Variants in AGAP1 observed in about 807,000 individuals in gnomAD.
AGAP1 encodes arf-GAP with GTPase, ANK repeat and PH domain-containing protein 1.
Under a neutral mutation model 105.3 loss-of-function variants are expected in AGAP1, and 29 were observed. That is an observed-to-expected ratio of 0.28 (90% CI 0.21 to 0.38). The LOEUF is 0.38. Ranked by LOEUF, AGAP1 falls within the 10% of genes least tolerant of loss-of-function variation. The pLI is 1.00. For missense variants in AGAP1, 998 were observed against 1,165.1 expected (o/e 0.86, Z 2.09); for synonymous variants, 509 against 485.9 (o/e 1.05, Z -0.63).
intron 5 of AGAP1, among the ~76,000 whole-genome samples, chr2:235,745,341 G>A (rs1952844651): frequency 6.6e-6 from 1 of 152,016 alleles, no homozygotes; most frequent in Non-Finnish European, 1.5e-5. Flanking sequence ...TAATCTGACA[G>A]GCCCCTCAGA....
chr2:236,081,839 G>GA (rs1183142240), intron 16 of AGAP1, among the ~76,000 whole-genome samples: 2 of 152,080 alleles, frequency 1.3e-5, no homozygotes, highest in Non-Finnish European at 2.9e-5. Flanking sequence ...GGTCTAAATA[G>GA]AACATTTTTC....
chr2:235,917,258 C>A (rs1400807841), intron 11 of AGAP1, among the ~76,000 whole-genome samples: 1 of 151,864 alleles, frequency 6.6e-6, no homozygotes, highest in Non-Finnish European at 1.5e-5. Flanking sequence ...GTGGGGGAGG[C>A]GGGGACAGCA....
intron 6 of AGAP1, among the ~76,000 whole-genome samples, chr2:235,755,177 G>C (rs113194632): frequency 1.3e-5 from 2 of 152,176 alleles, no homozygotes; most frequent in Non-Finnish European, 2.9e-5. Context: ...CAGGGCTCTC[G>C]TTCCTAGATT....
At chr2:235,834,182 G>A (rs1959831322) in intron 9 of AGAP1, among the ~76,000 whole-genome samples, 1 of 152,146 alleles carries the variant, frequency 6.6e-6, no homozygotes, top group Non-Finnish European at 1.5e-5. Flanking sequence ...CCCATGTGGT[G>A]CCTTGTGGGA....
chr2:235,976,934 C>A lies in AGAP1; in HGVS notation c.1645+8311C>A, dbSNP rs995933977. 6.6e-6 allele frequency among the ~76,000 whole-genome samples: 1 copy of A among 152,198 alleles called. No homozygotes were observed. The highest frequency in any genetic ancestry group is 1.5e-5 in the Non-Finnish European group (1 of 68,038). On this transcript the variant is annotated intron_variant, in intron 13 of 17. Transcript: ENST00000304032. The surrounding 1 kb of genome is among the most constrained non-coding windows in gnomAD (Gnocchi z 4.5). ...CTGGGGGTACCTAGGCAACTCCTGA[C>A]GCCACAGACAAGCATTTGAGCTCCT... is the stretch of plus-strand genomic sequence containing the variant.
chr2:235,686,650 TATATATA>T (rs1559350984), intron 1 of AGAP1, among the ~76,000 whole-genome samples: 53 of 45,916 alleles, frequency 1.2e-3, no homozygotes, highest in African/African-American at 6.3e-3. Flanking sequence ...TATATAGATA[TATATATA>T]TATATATATT....
chr2:235,611,108 C>G lies in AGAP1; in HGVS notation c.164-98071C>G, dbSNP rs756088301. ...CTAGTGTGTTGACCTTCCACTGCCC[C>G]GAGGGGAGGACTCTGCCCTACTGGA... On this transcript the variant is annotated intron_variant, in intron 1 of 17. Transcript: ENST00000304032. This position sits in a 1 kb window ranked among gnomAD's most constrained non-coding sequence, Gnocchi z 5.0. Among the ~76,000 whole-genome samples, 3 of 151,598 alleles carry G rather than the reference C, an allele frequency of 2.0e-5. No homozygotes were observed. The highest frequency in any genetic ancestry group is 2.9e-5 in the Non-Finnish European group (2 of 68,042).
intron 1 of AGAP1, among the ~76,000 whole-genome samples, chr2:235,645,922 A>G (rs1278858402): frequency 6.6e-6 from 1 of 152,174 alleles, no homozygotes; most frequent in Non-Finnish European, 1.5e-5. Flanking sequence ...CTCCATTGCT[A>G]CAATTTCCCC....
chr2:235,750,334 T>G lies in AGAP1; in HGVS notation c.539-20T>G. On this transcript the variant is annotated intron_variant, in intron 5 of 17. Coordinates refer to ENST00000304032, the MANE Select transcript of AGAP1 (RefSeq NM_001037131.3). The surrounding 1 kb of genome is among the most constrained non-coding windows in gnomAD (Gnocchi z 5.3). ...GCTGTCATTGTCACTGTGCCGTTAC[T>G]TTTTGGTCTTCTGTTCCAGATGCCA... 12 of 1,613,772 alleles carry G rather than the reference T, an allele frequency of 7.4e-6. No homozygotes were observed. Among genetic ancestry groups the G allele is most frequent in the Non-Finnish European group, 1.0e-5 (12 of 1,179,736 alleles).
rs768493353 is a variant in AGAP1 at position 235,623,131 on chromosome 2, A to G, written c.164-86048A>G. On this transcript the variant is annotated intron_variant, in intron 1 of 17. Transcript: ENST00000304032. This position sits in a 1 kb window ranked among gnomAD's most constrained non-coding sequence, Gnocchi z 4.5. ...ATTGCCTGATGTTCTCCAGGCTGCT[A>G]CAGCTATGATATTTTAAAATCAATG... Among the ~76,000 whole-genome samples the G allele has an allele frequency of 2.0e-5, 3 of 152,220 alleles. No individual in the cohort carries two copies. The highest frequency in any genetic ancestry group is 4.4e-5 in the Non-Finnish European group (3 of 68,042).
rs1456463198 is a variant in AGAP1, at chr2:235,879,460, C to A, written c.1051-3885C>A. ...GTATTCTGTAGTCCTGCCACTTACG[C>A]AGCATTTGAATAGTGCCTATAATCC... On this transcript the variant is annotated intron_variant, in intron 9 of 17. Transcript: ENST00000304032. This position sits in a 1 kb window ranked among gnomAD's most constrained non-coding sequence, Gnocchi z 5.0. Among the ~76,000 whole-genome samples, 1 of 152,216 alleles carries A rather than the reference C, an allele frequency of 6.6e-6. No individual in the cohort carries two copies. Among genetic ancestry groups the A allele is most frequent in the Non-Finnish European group, 1.5e-5 (1 of 68,036 alleles).
intron 11 of AGAP1, among the ~76,000 whole-genome samples, chr2:235,918,699 C>G (rs765086987): frequency 6.6e-6 from 1 of 151,768 alleles, no homozygotes. Context: ...GGTATATATT[C>G]CTGCATGTTA....
chr2:235,946,947 C>G (rs1045791995), intron 12 of AGAP1, among the ~76,000 whole-genome samples: 1 of 152,184 alleles, frequency 6.6e-6, no homozygotes, highest in Admixed American at 6.5e-5. Context: ...GTCCTTCTTC[C>G]CCACCTTACT....
intron 1 of AGAP1, among the ~76,000 whole-genome samples, chr2:235,676,676 TTTTG>T (rs1280658406): frequency 6.6e-6 from 1 of 152,234 alleles, no homozygotes; most frequent in Non-Finnish European, 1.5e-5. Context: ...GCTTTGGTGT[TTTTG>T]TTTTTGAAAA....
At chr2:235,925,622 T>C (rs886517054) in intron 11 of AGAP1, among the ~76,000 whole-genome samples, 1 of 152,206 alleles carries the variant, frequency 6.6e-6, no homozygotes, top group African/African-American at 2.4e-5. Context: ...CCGTCTTAGC[T>C]ATCAGGTCTA....
chr2:236,079,614 A>G (rs774519973), intron 16 of AGAP1, among the ~76,000 whole-genome samples: 22 of 152,144 alleles, frequency 1.4e-4, no homozygotes, highest in Admixed American at 3.3e-4. Context: ...ACATATATAT[A>G]TAGTGATCCA....
In AGAP1 at chr2:235,750,288, G is replaced by A. The variant is rs559207404; in HGVS notation, c.539-66G>A. The stretch of plus-strand genomic sequence containing the variant: ...AAGGTACTGGTTTTCCGTGTTGTGG[G>A]GAGTGTAGGAAGTATTTAGAGCTGT... On this transcript the variant is annotated intron_variant, in intron 5 of 17. Coordinates refer to ENST00000304032, the MANE Select transcript of AGAP1 (RefSeq NM_001037131.3). This position sits in a 1 kb window ranked among gnomAD's most constrained non-coding sequence, Gnocchi z 5.3. The A allele has an allele frequency of 6.2e-4, 995 of 1,597,618 alleles. 8 individuals are homozygous for A. The highest frequency in any genetic ancestry group is 6.0e-3 in the Middle Eastern group (36 of 6,010).
chr2:236,008,079 A>C (rs757789385), intron 13 of AGAP1, among the ~76,000 whole-genome samples: 1 of 152,264 alleles, frequency 6.6e-6, no homozygotes, highest in Non-Finnish European at 1.5e-5. Context: ...TGGATTGCCA[A>C]GTATTCAGTC....
At chr2:235,640,630 A>AGGGGC (rs1947158557) in intron 1 of AGAP1, among the ~76,000 whole-genome samples, 1 of 152,210 alleles carries the variant, frequency 6.6e-6, no homozygotes, top group East Asian at 1.9e-4. Flanking sequence ...AGGAAAAACC[A>AGGGGC]TGAATGGGGC....
Sources: allele counts gnomAD v4.1 joint callset (sites outside exome capture counted in the v4.1 genomes callset), GRCh38; gene constraint gnomAD v4.1.1; non-coding constraint Gnocchi (gnomAD v3.1); transcripts MANE v1.5; gene names NCBI Gene and HGNC (gene_info 2026-07-23, HGNC 2026-07-21).